CLEC16A: variants seen among roughly 807,000 people sequenced by gnomAD.
CLEC16A encodes protein CLEC16A.
A neutral mutation model predicts 109.5 loss-of-function variants in CLEC16A; 51 were observed. The observed-to-expected ratio is 0.47, with a 90% CI of 0.37 to 0.59. The LOEUF (loss-of-function observed/expected upper bound fraction) is 0.59. CLEC16A is among the 20% of genes least tolerant of loss of function. The pLI is 0.00. For missense variants in CLEC16A, 1,339 were observed against 1,394.0 expected (o/e 0.96, Z 0.63); for synonymous variants, 673 against 564.2 (o/e 1.19, Z -2.73).
Position 11,168,063 on chromosome 16 carries a change from G to A in CLEC16A, c.2806+1511G>A, listed in dbSNP as rs76585310. On this transcript the variant is annotated intron_variant, in intron 23 of 23. Coordinates refer to ENST00000409790, the MANE Select transcript of CLEC16A (RefSeq NM_015226.3). Reference sequence around the variant, plus strand: ...CATTTTTAAGGACGTACAGCCAACAGCTAAGTGAACAAACAGCCATATACT... The same window carrying A: ...CATTTTTAAGGACGTACAGCCAACAACTAAGTGAACAAACAGCCATATACT... Among the ~76,000 whole-genome samples the A allele has an allele frequency of 5.5e-3, 840 of 152,278 alleles. 5 individuals carry two copies. The highest frequency in any genetic ancestry group is 0.019 in the African/African-American group (807 of 41,532).
chr16:11,149,119 G>A (rs1193212165), intron 22 of CLEC16A, among the ~76,000 whole-genome samples: 1 of 152,226 alleles, frequency 6.6e-6, no homozygotes. Flanking sequence ...CAGAGGCCAG[G>A]GGAGGGGCCA....
chr16:11,072,092 A>T (rs1463290658), intron 19 of CLEC16A, among the ~76,000 whole-genome samples: 2 of 152,058 alleles, frequency 1.3e-5, no homozygotes, highest in Non-Finnish European at 2.9e-5. Flanking sequence ...CAAGTGATGA[A>T]TCAAGGTGAA....
chr16:11,111,448 G>A (rs1486948193), intron 19 of CLEC16A, among the ~76,000 whole-genome samples: 1 of 152,152 alleles, frequency 6.6e-6, no homozygotes, highest in Non-Finnish European at 1.5e-5. Context: ...AAATCACAAA[G>A]CATCACTTCC....
intron 13 of CLEC16A, among the ~76,000 whole-genome samples, chr16:11,032,834 T>C (rs908941609): frequency 2.6e-5 from 4 of 151,968 alleles, no homozygotes; most frequent in African/African-American, 9.7e-5. Flanking sequence ...AGGGGCCAGG[T>C]CATGAAGGGC....
intron 20 of CLEC16A, 67 bp from the exon 21 acceptor site, chr16:11,123,675 C>A: frequency 1.3e-6 from 2 of 1,487,344 alleles, no homozygotes; most frequent in Non-Finnish European, 1.9e-6. Flanking sequence ...CCTCATGATG[C>A]CACAGCTCCT....
intron 13 of CLEC16A, among the ~76,000 whole-genome samples, chr16:11,030,923 G>C (rs954233979): frequency 3.3e-5 from 5 of 152,230 alleles, no homozygotes; most frequent in Non-Finnish European, 2.9e-5. Context: ...TATGTATTTT[G>C]AATGCAAGTC....
At chr16:11,035,320 G>A (rs560995392) in intron 13 of CLEC16A, among the ~76,000 whole-genome samples, 2 of 152,102 alleles carry the variant, frequency 1.3e-5, no homozygotes, top group Admixed American at 1.3e-4. Flanking sequence ...CCTTCATTTT[G>A]AGATTTGTCT....
chr16:11,162,427 CT>C (rs922907510), intron 22 of CLEC16A, among the ~76,000 whole-genome samples: 16 of 152,040 alleles, frequency 1.1e-4, no homozygotes, highest in Non-Finnish European at 1.8e-4. Context: ...ATCATCCTCC[CT>C]TTTTTTTCTC....
At chr16:11,033,854 T>C (rs1156281918) in intron 13 of CLEC16A, among the ~76,000 whole-genome samples, 7 of 152,214 alleles carry the variant, frequency 4.6e-5, no homozygotes, top group Non-Finnish European at 1.0e-4. Context: ...GGCCACATAA[T>C]GAATTCTGGT....
chr16:11,142,244 G>A (rs2053868524), intron 22 of CLEC16A, among the ~76,000 whole-genome samples: 1 of 152,226 alleles, frequency 6.6e-6, no homozygotes, highest in African/African-American at 2.4e-5. Flanking sequence ...TCAGTCCAGT[G>A]TCCAGGGATC....
chr16:11,006,532 T>C (rs2045024874), intron 11 of CLEC16A, among the ~76,000 whole-genome samples: 1 of 152,164 alleles, frequency 6.6e-6, no homozygotes, highest in Non-Finnish European at 1.5e-5. Context: ...ATGGACATGG[T>C]GACTCTTAAG....
At chr16:11,091,658 A>G (rs1173433917) in intron 19 of CLEC16A, among the ~76,000 whole-genome samples, 2 of 152,190 alleles carry the variant, frequency 1.3e-5, no homozygotes, top group Non-Finnish European at 2.9e-5. Context: ...ACCTCAGCAC[A>G]TGGCTTAACC....
chr16:10,994,515 T>A (rs2044217952), intron 10 of CLEC16A, among the ~76,000 whole-genome samples: 2 of 152,140 alleles, frequency 1.3e-5, no homozygotes, highest in African/African-American at 4.8e-5. Flanking sequence ...TTACAGTGGG[T>A]GTGACCTCCT....
At chr16:10,983,231 G>A (rs947612214) in intron 10 of CLEC16A, among the ~76,000 whole-genome samples, 2 of 152,198 alleles carry the variant, frequency 1.3e-5, no homozygotes, top group African/African-American at 2.4e-5. Flanking sequence ...GTACCACTCC[G>A]GGCCTTAGGT....
chr16:11,008,989 A>C (rs2045227408), intron 11 of CLEC16A, among the ~76,000 whole-genome samples: 2 of 151,964 alleles, frequency 1.3e-5, no homozygotes, highest in Admixed American at 6.6e-5. Context: ...GCAGAGCGAG[A>C]CTCTGTCTCA....
chr16:11,039,446 G>T (rs915007135), intron 13 of CLEC16A, among the ~76,000 whole-genome samples: 1 of 152,072 alleles, frequency 6.6e-6, no homozygotes, highest in Admixed American at 6.5e-5. Context: ...ATAAGTTATG[G>T]CACCAACAGC....
chr16:11,174,767 C>A lies in CLEC16A; in HGVS notation c.2807-3568C>A, dbSNP rs1177675991. 2.0e-5 allele frequency among the ~76,000 whole-genome samples: 3 copies of A among 152,248 alleles called. No homozygotes were observed. The highest frequency in any genetic ancestry group is 4.4e-5 in the Non-Finnish European group (3 of 68,048). On this transcript the variant is annotated intron_variant, in intron 23 of 23. Transcript: ENST00000409790. The surrounding 1 kb of genome is among the most constrained non-coding windows in gnomAD (Gnocchi z 4.7). ...CCTAGTCTTGATCTAAGATAAGTGG[C>A]AAATTCAGTCCTGTTTTGACCGGAA... is the stretch of plus-strand genomic sequence containing the variant.
At chr16:11,051,712 A>G in intron 18 of CLEC16A, 71 bp downstream of exon 18, 4 of 1,577,626 alleles carry the variant, frequency 2.5e-6, no homozygotes, top group Non-Finnish European at 3.5e-6. Context: ...CAGGGAGGAA[A>G]GGGCTTCTTT....
At chr16:11,100,259 T>A (rs928856136) in intron 19 of CLEC16A, among the ~76,000 whole-genome samples, 1 of 152,186 alleles carries the variant, frequency 6.6e-6, no homozygotes, top group Non-Finnish European at 1.5e-5. Context: ...TCACCACCTA[T>A]CATGCCCTCC....
Sources: allele counts gnomAD v4.1 joint callset (sites outside exome capture counted in the v4.1 genomes callset), GRCh38; gene constraint gnomAD v4.1.1; non-coding constraint Gnocchi (gnomAD v3.1); transcripts MANE v1.5; gene names NCBI Gene and HGNC (gene_info 2026-07-23, HGNC 2026-07-21).